Variants in CD8B2 observed in about 807,000 individuals in gnomAD.
CD8B2 encodes T-cell surface glycoprotein CD8 beta-2 chain.
CD8B2 carries 11 observed loss-of-function variants against 23.7 expected under a neutral mutation model. The ratio of observed to expected loss-of-function variants is 0.46; its 90% CI spans 0.29 to 0.77. CD8B2 has a LOEUF of 0.77. Among genes scored for constraint, CD8B2 ranks in the 30% least tolerant of loss-of-function variants. CD8B2 has a pLI of 0.09. For missense variants in CD8B2, 197 were observed against 270.5 expected (o/e 0.73, Z 1.91); for synonymous variants, 90 against 109.3 (o/e 0.82, Z 1.10).
At chr2:106,489,849 A>G (rs1294633842) in intron 1 of CD8B2, among the ~76,000 whole-genome samples, 1 of 152,130 alleles carries the variant, frequency 6.6e-6, no homozygotes, top group Non-Finnish European at 1.5e-5. Context: ...CTTTCATAAG[A>G]AGACAGAGGC....
At chr2:106,534,159 G>A (rs961167523) in intron 5 of CD8B2, among the ~76,000 whole-genome samples, 5 of 152,316 alleles carry the variant, frequency 3.3e-5, no homozygotes, top group Admixed American at 6.5e-5. Flanking sequence ...CAAGAGCTAC[G>A]TTAGCTAGGA....
chr2:106,502,725 G>A (rs1046588823), intron 4 of CD8B2, among the ~76,000 whole-genome samples, 162 bp downstream of exon 4: 2 of 152,246 alleles, frequency 1.3e-5, no homozygotes, highest in East Asian at 1.9e-4. Flanking sequence ...CTGGGGCTAC[G>A]CAGCCAAAAC....
intron 3 of CD8B2, among the ~76,000 whole-genome samples, chr2:106,501,409 C>T (rs1022910695): frequency 2.0e-5 from 3 of 152,106 alleles, no homozygotes; most frequent in Non-Finnish European, 4.4e-5. Context: ...AGGCCAGTTG[C>T]GGTAGCTCAC....
chr2:106,508,963 G>T lies in CD8B2; in HGVS notation c.*2023G>T, dbSNP rs945813386. On this transcript the variant is annotated 3_prime_UTR_variant, in exon 6 of 6. Coordinates refer to ENST00000643224, the MANE Select transcript of CD8B2 (RefSeq NM_001349727.2). The stretch of plus-strand genomic sequence containing the variant: ...CCCCAGACCCAGGTGTTTTCCGTTT[G>T]CTCCAGCTTTGAGAAGTCAGCACAA... The T allele has an allele frequency of 1.3e-5, 2 of 150,010 alleles. No homozygotes were observed. The highest frequency in any genetic ancestry group is 4.9e-5 in the African/African-American group (2 of 40,840). 9.3% of individuals were successfully genotyped at this position (150,010 alleles called of 1,614,324 possible).
intron 5 of CD8B2, among the ~76,000 whole-genome samples, chr2:106,526,880 C>A (rs1296801769): frequency 6.6e-6 from 1 of 152,178 alleles, no homozygotes; most frequent in South Asian, 2.1e-4. Flanking sequence ...GACCTCAGGT[C>A]ATCTGCCTGC....
chr2:106,520,379 G>A (rs1291647877), intron 5 of CD8B2, among the ~76,000 whole-genome samples: 1 of 152,130 alleles, frequency 6.6e-6, no homozygotes, highest in Non-Finnish European at 1.5e-5. Context: ...GCCATCTCAG[G>A]CTTCCCTACC....
chr2:106,511,081 A>G lies in CD8B2; in HGVS notation c.*4141A>G, dbSNP rs1179324544. On this transcript the variant is annotated 3_prime_UTR_variant, in exon 6 of 6. Transcript: ENST00000643224. The stretch of plus-strand genomic sequence containing the variant: ...AAAAAGCAATTAAAAGTTTGGAAAA[A>G]AAGAACCTCTAGCCATTGTTATAAT... 2 of 152,344 alleles carry G rather than the reference A, an allele frequency of 1.3e-5. No homozygotes were observed. Among genetic ancestry groups the G allele is most frequent in the East Asian group, 1.9e-4 (1 of 5,190 alleles). The allele number at this position is 152,344 out of a possible 1,614,324, so 9.4% of individuals were successfully genotyped here. A position where few individuals can be genotyped will look rare whatever the true frequency, so the allele number is the denominator to read the frequency against.
At chr2:106,519,880 G>A (rs1362448324) in intron 5 of CD8B2, among the ~76,000 whole-genome samples, 5 of 152,242 alleles carry the variant, frequency 3.3e-5, no homozygotes, top group Non-Finnish European at 7.3e-5. Context: ...CATGGAGCCC[G>A]TGGGCCACAG....
downstream of CD8B2, among the ~76,000 whole-genome samples, chr2:106,512,087 G>T (rs1679642773): frequency 2.0e-5 from 3 of 152,164 alleles, no homozygotes; most frequent in Non-Finnish European, 2.9e-5. Context: ...TAATTTTGTT[G>T]TTGTTTGAGA....
chr2:106,503,434 C>T (rs1172961932), intron 4 of CD8B2, among the ~76,000 whole-genome samples: 3 of 152,066 alleles, frequency 2.0e-5, no homozygotes, highest in Non-Finnish European at 4.4e-5. Flanking sequence ...CAGAGGGGCC[C>T]ATGTACCCCA....
At chr2:106,516,953 TTATATAA>T (rs1489277156) in intron 5 of CD8B2, among the ~76,000 whole-genome samples, 1 of 148,104 alleles carries the variant, frequency 6.8e-6, no homozygotes, top group Non-Finnish European at 1.5e-5. Flanking sequence ...TAACATGTAC[TTATATAA>T]TATATAATAT....
intron 2 of CD8B2, among the ~76,000 whole-genome samples, 152 bp downstream of exon 2, chr2:106,491,385 AC>A (rs1227749601): frequency 1.3e-5 from 2 of 152,172 alleles, no homozygotes; most frequent in African/African-American, 4.8e-5. Flanking sequence ...GTGGAGACTT[AC>A]CCAGGCCAAG....
At chr2:106,515,926 G>T (rs1300268668), downstream of CD8B2, among the ~76,000 whole-genome samples, 1 of 151,888 alleles carries the variant, frequency 6.6e-6, no homozygotes, top group Non-Finnish European at 1.5e-5. Context: ...GGGTTCAAGC[G>T]ATTCTCCTGC....
rs1679136427 is a variant in CD8B2, at chr2:106,488,914, T to A, written c.43+1445T>A. Among the ~76,000 whole-genome samples the A allele has an allele frequency of 3.3e-5, 5 of 152,108 alleles. No homozygotes were observed. In the South Asian group the frequency reaches 1.0e-3, roughly 32 times the overall value. On this transcript the variant is annotated intron_variant, in intron 1 of 5. Transcript: ENST00000643224. ...CCTCTGCTCTGCTGGAACGGCAGTGTGGTGTTTGGGGAAACAAGAGGAAGT... is the reference window on the plus strand; with the variant it reads ...CCTCTGCTCTGCTGGAACGGCAGTGAGGTGTTTGGGGAAACAAGAGGAAGT...
chr2:106,491,324 G>A, intron 2 of CD8B2, 91 bp downstream of exon 2: 3 of 1,185,368 alleles, frequency 2.5e-6, no homozygotes, highest in Non-Finnish European at 2.4e-6. Flanking sequence ...GTGTGCCCCT[G>A]TCTGCAGCTG....
At chr2:106,511,314 G>A (rs181715421), downstream of CD8B2, among the ~76,000 whole-genome samples, 12 of 152,258 alleles carry the variant, frequency 7.9e-5, no homozygotes, top group East Asian at 7.7e-4. Context: ...TCGTGGCAGG[G>A]GTGGTCTGCA....
chr2:106,502,284 G>T (rs1679422047), intron 3 of CD8B2, among the ~76,000 whole-genome samples, 190 bp from the exon 4 acceptor site: 1 of 89,168 alleles, frequency 1.1e-5, no homozygotes, highest in Admixed American at 1.7e-4. Flanking sequence ...GACAGAGCAA[G>T]ACTCTGTCTC....
chr2:106,537,704 C>T (rs1680110730), intron 5 of CD8B2, among the ~76,000 whole-genome samples: 1 of 152,212 alleles, frequency 6.6e-6, no homozygotes, highest in Admixed American at 6.5e-5. Flanking sequence ...GCTGTTCTTA[C>T]TGAAGTGGCG....
chr2:106,530,185 T>G (rs1417264176), intron 5 of CD8B2, among the ~76,000 whole-genome samples: 3 of 152,146 alleles, frequency 2.0e-5, no homozygotes, highest in Non-Finnish European at 4.4e-5. Flanking sequence ...TAAGTGGCAC[T>G]CCTGTGAAGG....
Sources: gnomAD v4.1 joint callset for allele counts (sites outside exome capture counted in the v4.1 genomes callset) on GRCh38, gnomAD v4.1.1 for gene constraint, MANE v1.5 for transcripts, NCBI Gene and HGNC (gene_info 2026-07-23, HGNC 2026-07-21) for gene names.